The following TENM2 variants were observed in gnomAD, a reference collection of about 807,000 sequenced individuals.
TENM2 encodes teneurin-2.
In TENM2, 52 loss-of-function variants were observed where a neutral mutation model predicts 245.2. The observed-to-expected ratio is 0.21, with a 90% CI of 0.17 to 0.27. The LOEUF (loss-of-function observed/expected upper bound fraction) is 0.27, where lower values mean the gene tolerates loss of function less well. Among genes scored for constraint, TENM2 ranks in the 10% least tolerant of loss-of-function variants. TENM2 has a pLI of 1.00. For missense variants in TENM2, 3,046 were observed against 3,666.8 expected (o/e 0.83, Z 4.37); for synonymous variants, 1,363 against 1,438.9 (o/e 0.95, Z 1.19).
At chr5:168,109,993 G>A (rs991478212) in intron 9 of TENM2, among the ~76,000 whole-genome samples, 3 of 150,576 alleles carry the variant, frequency 2.0e-5, no homozygotes, top group African/African-American at 4.9e-5. Flanking sequence ...GCTTCAGTCC[G>A]TCAGCCCTCC....
chr5:167,391,647 A>AAAAAAAAAAAAAAAAAAAT (rs70976420), intron 2 of TENM2, among the ~76,000 whole-genome samples: 1 of 126,838 alleles, frequency 7.9e-6, no homozygotes. Context: ...AAAAAAAAAA[A>AAAAAAAAAAAAAAAAAAAT]GCACTCTCAA....
At chr5:167,741,098 C>T (rs1761147469) in intron 2 of TENM2, among the ~76,000 whole-genome samples, 1 of 152,222 alleles carries the variant, frequency 6.6e-6, no homozygotes, top group African/African-American at 2.4e-5. Context: ...CATTCTTATG[C>T]TCAGAAGTTA....
upstream of TENM2, among the ~76,000 whole-genome samples, chr5:167,282,234 C>T (rs1771106048): frequency 6.6e-6 from 1 of 152,048 alleles, no homozygotes; most frequent in East Asian, 1.9e-4. Flanking sequence ...CAAAGTGACT[C>T]AAAATACTCA....
intron 2 of TENM2, among the ~76,000 whole-genome samples, chr5:167,448,716 G>C (rs577388258): frequency 4.6e-5 from 7 of 151,562 alleles, no homozygotes. Flanking sequence ...TTGCAGGAAC[G>C]TACCGAGAAA....
At chr5:167,910,743 C>T (rs578018703) in intron 3 of TENM2, among the ~76,000 whole-genome samples, 29 of 152,290 alleles carry the variant, frequency 1.9e-4, no homozygotes, top group African/African-American at 7.0e-4. Flanking sequence ...CTTGAATACT[C>T]TTACTAAATA....
exon 17 of TENM2, chr5:168,199,964 C>A (rs1284603407): frequency 2.5e-6 from 4 of 1,613,884 alleles, no homozygotes; most frequent in Non-Finnish European, 3.4e-6. Context: ...ATCACCATGA[C>A]CCAGTCCACA....
At chr5:168,075,167 A>G (rs247986) in intron 7 of TENM2, among the ~76,000 whole-genome samples, 46,165 of 152,016 alleles carry the variant, frequency 0.3, 7,395 homozygotes, top group African/African-American at 0.41. Flanking sequence ...GCTCCCACTT[A>G]TGAGTGAGAA....
chr5:167,645,484 C>T (rs994050075), intron 2 of TENM2, among the ~76,000 whole-genome samples: 11 of 151,988 alleles, frequency 7.2e-5, no homozygotes, highest in Admixed American at 3.3e-4. Flanking sequence ...CCCTCAATCT[C>T]GGAGGCTTCT....
intron 25 of TENM2, among the ~76,000 whole-genome samples, chr5:168,228,990 TAC>T (rs1287256410): frequency 1.0e-4 from 15 of 147,926 alleles, no homozygotes; most frequent in Non-Finnish European, 1.6e-4. Context: ...ATACATAATA[TAC>T]ATATATAATA....
chr5:167,293,368 ATTT>A (rs199972172), intron 1 of TENM2, among the ~76,000 whole-genome samples: 3 of 130,534 alleles, frequency 2.3e-5, no homozygotes, highest in East Asian at 2.2e-4. Context: ...TGTCCGGCTA[ATTT>A]TTTTTTTTTT....
chr5:167,573,099 A>C (rs1285942568), intron 2 of TENM2, among the ~76,000 whole-genome samples: 1 of 152,010 alleles, frequency 6.6e-6, no homozygotes, highest in Non-Finnish European at 1.5e-5. Context: ...GACAATTATC[A>C]AGACGAAGCA....
At chr5:167,011,645 A>G in the TENM2 span, among the ~76,000 whole-genome samples, 1 of 152,202 alleles carries the variant, frequency 6.6e-6, no homozygotes, top group African/African-American at 2.4e-5. Context: ...TTGGCAGCTA[A>G]TGTTTGGGAG....
chr5:166,979,211 A>AGCAGCAGCAGCAGCC, the TENM2 span, among the ~76,000 whole-genome samples: 1 of 149,526 alleles, frequency 6.7e-6, no homozygotes, highest in South Asian at 2.1e-4. Flanking sequence ...CAGCAGCAGC[A>AGCAGCAGCAGCAGCC]GCAGCAGCAG....
At chr5:167,978,687 G>A (rs1782615413) in intron 4 of TENM2, among the ~76,000 whole-genome samples, 2 of 149,384 alleles carry the variant, frequency 1.3e-5, no homozygotes, top group African/African-American at 5.0e-5. Context: ...TTTTTTGGGG[G>A]GTGATGAAAA....
At chr5:167,048,005 CAT>C in the TENM2 span, among the ~76,000 whole-genome samples, 1 of 152,098 alleles carries the variant, frequency 6.6e-6, no homozygotes, top group South Asian at 2.1e-4. Flanking sequence ...TTGTGTAAAA[CAT>C]ATTGAAGAAG....
intron 4 of TENM2, among the ~76,000 whole-genome samples, chr5:167,958,389 G>A (rs987128901): frequency 6.6e-6 from 1 of 152,066 alleles, no homozygotes. Context: ...TGTGAGATAG[G>A]TCTCCTGAAT....
chr5:168,204,694 G>A (rs1298652700), intron 19 of TENM2, 73 bp downstream of exon 21: 2 of 1,557,692 alleles, frequency 1.3e-6, no homozygotes, highest in Admixed American at 1.8e-5. Flanking sequence ...CGGGTAACTG[G>A]GGCTGCATTT....
chr5:168,256,720 C>T (rs1202370820), intron 27 of TENM2, among the ~76,000 whole-genome samples: 4 of 152,172 alleles, frequency 2.6e-5, no homozygotes, highest in African/African-American at 4.8e-5. Context: ...CCACCTCGCC[C>T]GGCCTCAAAC....
intron 5 of TENM2, among the ~76,000 whole-genome samples, chr5:168,002,958 A>T (rs1015220653): frequency 4.6e-5 from 7 of 152,200 alleles, no homozygotes; most frequent in Middle Eastern, 3.2e-3. Context: ...CAAATGAAAT[A>T]GTACAGTTAC....
Sources: gnomAD v4.1 joint callset for allele counts (sites outside exome capture counted in the v4.1 genomes callset) on GRCh38, gnomAD v4.1.1 for gene constraint, MANE v1.5 for transcripts, NCBI Gene and HGNC (gene_info 2026-07-23, HGNC 2026-07-21) for gene names.